Variants in TOPAZ1 observed in about 807,000 individuals in gnomAD.
The protein encoded by TOPAZ1 is protein TOPAZ1.
TOPAZ1 carries 66 observed loss-of-function variants against 172.2 expected under a neutral mutation model. That is an observed-to-expected ratio of 0.38 (90% CI 0.31 to 0.47). The LOEUF (loss-of-function observed/expected upper bound fraction) is 0.47. TOPAZ1 is among the 20% of genes least tolerant of loss of function. The pLI, the probability that TOPAZ1 is intolerant of heterozygous loss-of-function variation, is 0.99. For missense variants in TOPAZ1, 1,822 were observed against 1,972.4 expected (o/e 0.92, Z 1.44); for synonymous variants, 681 against 683.9 (o/e 1.00, Z 0.07).
intron 4 of TOPAZ1, among the ~76,000 whole-genome samples, chr3:44,261,128 T>G (rs1699771149): frequency 6.6e-6 from 1 of 152,094 alleles, no homozygotes; most frequent in South Asian, 2.1e-4. Flanking sequence ...CACATTGTAG[T>G]TTTTTTAATG....
chr3:44,258,017 T>C (rs1699734729), intron 4 of TOPAZ1, among the ~76,000 whole-genome samples: 1 of 152,206 alleles, frequency 6.6e-6, no homozygotes, highest in South Asian at 2.1e-4. Flanking sequence ...TTACTGATTT[T>C]TTTTCCTATG....
chr3:44,281,904 A>T, intron 8 of TOPAZ1, 64 bp from the exon 9 acceptor site: 1 of 992,284 alleles, frequency 1.0e-6, no homozygotes, highest in South Asian at 1.6e-5. Flanking sequence ...ATAGGATTGA[A>T]ATGTGTATAG....
At chr3:44,304,218 G>A in intron 13 of TOPAZ1, 137 bp downstream of exon 13, 1 of 500,072 alleles carries the variant, frequency 2.0e-6, no homozygotes, top group Non-Finnish European at 3.5e-6. Flanking sequence ...CTCAAGGAAA[G>A]GAAGTTTTGT....
intron 18 of TOPAZ1, 147 bp from the exon 19 acceptor site, chr3:44,328,103 T>G (rs1700623480): frequency 1.9e-6 from 1 of 522,468 alleles, no homozygotes; most frequent in South Asian, 3.4e-5. Flanking sequence ...CCAAATATAC[T>G]AGGATAAGCT....
Position 44,323,080 on chromosome 3 carries a change from T to C in TOPAZ1, c.4472-12T>C. The C allele has an allele frequency of 6.7e-7, 1 of 1,490,326 alleles. No homozygotes were observed. The highest frequency in any genetic ancestry group is 2.4e-5 in the Admixed American group (1 of 40,828). 92.3% of individuals were successfully genotyped at this position (1,490,326 alleles called of 1,614,324 possible). A position where few individuals can be genotyped will look rare whatever the true frequency, so the allele number is the denominator to read the frequency against. ...ATAAATGAATTTTATTATATCATTT[T>C]TTTTATTCCAGAAACTGTGGAAGTC... On this transcript the variant is annotated splice_polypyrimidine_tract_variant and intron_variant, in intron 17 of 19. Transcript: ENST00000309765.
chr3:44,247,167 G>A (rs1330491872), intron 2 of TOPAZ1, among the ~76,000 whole-genome samples: 3 of 152,070 alleles, frequency 2.0e-5, no homozygotes, highest in Non-Finnish European at 2.9e-5. Context: ...TCAGACATTT[G>A]TCTATACATA....
At chr3:44,291,016 C>G (rs1332413732) in intron 12 of TOPAZ1, 130 bp downstream of exon 12, 1 of 561,204 alleles carries the variant, frequency 1.8e-6, no homozygotes, top group Non-Finnish European at 3.0e-6. Flanking sequence ...ATAAACCCTT[C>G]TCCTGTCTCT....
chr3:44,326,884 T>G (rs1700606706), intron 18 of TOPAZ1, among the ~76,000 whole-genome samples: 1 of 152,228 alleles, frequency 6.6e-6, no homozygotes, highest in Non-Finnish European at 1.5e-5. Flanking sequence ...ATTAGTAGAT[T>G]TCTAGTTAAT....
At chr3:44,249,436 G>A (rs1337311667) in intron 2 of TOPAZ1, among the ~76,000 whole-genome samples, 1 of 152,134 alleles carries the variant, frequency 6.6e-6, no homozygotes. Flanking sequence ...GAGAAATAAT[G>A]AGGAATATGT....
intron 4 of TOPAZ1, among the ~76,000 whole-genome samples, chr3:44,257,849 C>CA (rs1461832810): frequency 6.6e-6 from 1 of 152,108 alleles, no homozygotes; most frequent in Non-Finnish European, 1.5e-5. Context: ...AAGAGCTATT[C>CA]CATCACCACA....
intron 2 of TOPAZ1, among the ~76,000 whole-genome samples, chr3:44,253,397 G>C (rs1159035818): frequency 6.6e-6 from 1 of 152,200 alleles, no homozygotes; most frequent in Non-Finnish European, 1.5e-5. Flanking sequence ...CCAAAAGAAC[G>C]TGGTGACTTT....
rs1457971305 is a variant in TOPAZ1 at position 44,244,103 on chromosome 3, A to G, written c.1597A>G (p.Lys533Glu). The G allele has an allele frequency of 6.4e-7, 1 of 1,551,582 alleles. No individual in the cohort carries two copies. Among genetic ancestry groups the G allele is most frequent in the East Asian group, 2.4e-5 (1 of 40,922 alleles). The change falls in exon 2 of 20, where the codon AAA becomes GAA. Residue 533 changes from lysine to glutamate, a missense_variant. Transcript: ENST00000309765. ...QESCRQVDVP[K>E]HQTNQTHLTD... is the part of the protein sequence containing the mutation. Reference sequence around the variant, plus strand: ...AAGTTGTAGGCAAGTTGATGTCCCTAAACACCAAACAAACCAGACCCATTT... The same window carrying G: ...AAGTTGTAGGCAAGTTGATGTCCCTGAACACCAAACAAACCAGACCCATTT...
chr3:44,267,586 C>T (rs1450066781), intron 6 of TOPAZ1, among the ~76,000 whole-genome samples: 9 of 152,038 alleles, frequency 5.9e-5, no homozygotes, highest in Admixed American at 1.3e-4. Context: ...TAAGCTACCG[C>T]GCCCAGCCTA....
Position 44,244,595 on chromosome 3 carries a change from G to GA in TOPAZ1, c.2095dup (p.Arg699LysfsTer34). 1 of 1,550,036 alleles carries GA rather than the reference G, an allele frequency of 6.5e-7. No individual in the cohort carries two copies. The highest frequency in any genetic ancestry group is 8.7e-7 in the Non-Finnish European group (1 of 1,146,576). The stretch of plus-strand genomic sequence containing the variant: ...AATTCCTTTACTTAAGAATAAATCA[G>GA]AAAAAAGAAAAGAAGTAAATGCCAA... On this transcript the variant is annotated frameshift_variant, in exon 2 of 20. Coordinates refer to ENST00000309765, the MANE Select transcript of TOPAZ1 (RefSeq NM_001145030.2). LOFTEE classifies it high-confidence loss of function.
rs1699509327 is a variant in TOPAZ1 at position 44,243,235 on chromosome 3, C to T, written c.729C>T (p.Asn243=). Residue 243 remains asparagine (N), a synonymous_variant, in exon 2 of 20, where the codon AAC becomes AAT. Coordinates refer to ENST00000309765, the MANE Select transcript of TOPAZ1 (RefSeq NM_001145030.2). ...PHSKGCNDEN[N]LPYKPDGGCM... ...CCAAGGGTTGTAATGATGAAAACAA[C>T]CTGCCATATAAACCTGATGGTGGAT... 6.4e-7 allele frequency: 1 copy of T among 1,550,410 alleles called. No homozygotes were observed.
intron 9 of TOPAZ1, among the ~76,000 whole-genome samples, chr3:44,286,071 C>T (rs1207078061): frequency 6.6e-6 from 1 of 151,246 alleles, no homozygotes; most frequent in East Asian, 2.0e-4. Flanking sequence ...AAAACCTAAC[C>T]AGGTTTGGTG....
intron 2 of TOPAZ1, among the ~76,000 whole-genome samples, chr3:44,250,630 T>C (rs1699619692): frequency 6.6e-6 from 1 of 152,200 alleles, no homozygotes; most frequent in Non-Finnish European, 1.5e-5. Context: ...AGTCTGTCCC[T>C]GCTCTGCAAA....
At chr3:44,281,448 G>A (rs1037481861) in intron 8 of TOPAZ1, among the ~76,000 whole-genome samples, 1 of 152,030 alleles carries the variant, frequency 6.6e-6, no homozygotes, top group African/African-American at 2.4e-5. Flanking sequence ...TTGACTTTTT[G>A]CATCCTGTTG....
rs1220046132 is a variant in TOPAZ1, at chr3:44,242,280, A to G, written c.227A>G (p.Lys76Arg). The change falls in exon 1 of 20, where the codon AAG becomes AGG. Residue 76 changes from lysine (K) to arginine (R), a missense_variant. By Grantham distance (26) the Lys-to-Arg change is conservative (BLOSUM62 2). Around this residue, in one of 2 missense-constraint regions of TOPAZ1, gnomAD observed 1,489 missense variants for 1,490.8 expected, o/e 1.00. Coordinates refer to ENST00000309765, the MANE Select transcript of TOPAZ1 (RefSeq NM_001145030.2). ...TCGGTTGCAGCATCAGGGGCTGGAA[A>G]GGCCGCAAGGCGTCAGGTGGAGGGG... ...DKSVAASGAG[K>R]AARRQVEGRR... 3 of 1,550,360 alleles carry G rather than the reference A, an allele frequency of 1.9e-6. No individual in the cohort carries two copies.
Sources: allele counts gnomAD v4.1 joint callset (sites outside exome capture counted in the v4.1 genomes callset), GRCh38; gene constraint gnomAD v4.1.1; regional missense constraint gnomAD v4.1.1; transcripts MANE v1.5; gene names NCBI Gene and HGNC (gene_info 2026-07-23, HGNC 2026-07-21).